Variants in ZNF469 observed in about 807,000 individuals in gnomAD.
ZNF469 encodes zinc finger protein 469.
ZNF469 carries 1 observed loss-of-function variant against 1.0 expected under a neutral mutation model. The ratio of observed to expected loss-of-function variants is 1.00; its 90% CI spans 0.35 to 4.73. The LOEUF is 4.73. Among genes scored for constraint, ZNF469 ranks in the 30% most tolerant of loss-of-function variants. ZNF469 has a pLI of 0.16. For missense variants in ZNF469, 6,100 were observed against 5,356.3 expected, an observed-to-expected ratio of 1.14 and a Z score of -4.33; for synonymous variants, 2,703 against 2,363.4, an observed-to-expected ratio of 1.14 and a Z score of -4.17.
chr16:88,388,346 C>T (rs1904391860), intron 1 of ZNF469, among the ~76,000 whole-genome samples: 1 of 152,252 alleles, frequency 6.6e-6, no homozygotes, highest in African/African-American at 2.4e-5. Flanking sequence ...GGCCAGCATC[C>T]CAGCCAGCGG....
At chr16:88,291,525 A>T in the ZNF469 span, among the ~76,000 whole-genome samples, 1 of 152,152 alleles carries the variant, frequency 6.6e-6, no homozygotes, top group Non-Finnish European at 1.5e-5. Flanking sequence ...TTTACAGATG[A>T]AGACACCGGG....
At chr16:88,243,674 G>C in the ZNF469 span, among the ~76,000 whole-genome samples, 1 of 151,736 alleles carries the variant, frequency 6.6e-6, no homozygotes, top group Admixed American at 6.6e-5. Context: ...TGGGTAGATG[G>C]ATGGGTAGAT....
the ZNF469 span, among the ~76,000 whole-genome samples, chr16:88,353,981 C>T: frequency 1.4e-4 from 21 of 152,358 alleles, no homozygotes; most frequent in South Asian, 3.7e-3. Flanking sequence ...GAATGCACCC[C>T]TGCCTGCTTC....
chr16:88,185,464 ACACT>A, the ZNF469 span, among the ~76,000 whole-genome samples: 4 of 142,242 alleles, frequency 2.8e-5, no homozygotes, highest in African/African-American at 1.1e-4. Flanking sequence ...GCCCAGACCC[ACACT>A]CACACATTTG....
chr16:88,248,439 C>G, the ZNF469 span, among the ~76,000 whole-genome samples: 1 of 152,150 alleles, frequency 6.6e-6, no homozygotes, highest in Non-Finnish European at 1.5e-5. Flanking sequence ...CTGCCAGGCA[C>G]AGTGGCTCAT....
the ZNF469 span, among the ~76,000 whole-genome samples, chr16:88,271,215 C>T: frequency 1.9e-4 from 29 of 150,570 alleles, no homozygotes; most frequent in African/African-American, 6.8e-4. Flanking sequence ...CGTTAGTCAC[C>T]GTCATCATCT....
chr16:88,364,715 G>C, the ZNF469 span, among the ~76,000 whole-genome samples: 1 of 152,154 alleles, frequency 6.6e-6, no homozygotes, highest in African/African-American at 2.4e-5. Flanking sequence ...AGTAATCCCA[G>C]CACTTTGGGA....
At chr16:88,215,111 A>G in the ZNF469 span, among the ~76,000 whole-genome samples, 2 of 152,186 alleles carry the variant, frequency 1.3e-5, no homozygotes, top group Non-Finnish European at 2.9e-5. Context: ...AGGCATGTCT[A>G]TTGTAATCAG....
chr16:88,404,934 C>G (rs1307057440), intron 1 of ZNF469, among the ~76,000 whole-genome samples: 1 of 152,200 alleles, frequency 6.6e-6, no homozygotes, highest in Non-Finnish European at 1.5e-5. Flanking sequence ...AAAGGAGACT[C>G]TATTGGCTCA....
intron 1 of ZNF469, among the ~76,000 whole-genome samples, chr16:88,400,359 A>G (rs7191454): frequency 0.7 from 106,243 of 152,218 alleles, 38,274 homozygotes; most frequent in African/African-American, 0.88. Flanking sequence ...AAATTGGCCT[A>G]CCAGGACAAC....
At chr16:88,132,824 A>G in the ZNF469 span, among the ~76,000 whole-genome samples, 5,043 of 151,872 alleles carry the variant, frequency 0.033, no homozygotes, top group African/African-American at 0.11. Flanking sequence ...AGGCCTCCGC[A>G]CAGCATCAGT....
chr16:88,134,224 A>G, the ZNF469 span, among the ~76,000 whole-genome samples: 1 of 152,232 alleles, frequency 6.6e-6, no homozygotes, highest in East Asian at 1.9e-4. Flanking sequence ...CTTTATGACC[A>G]CTTTTTCTAC....
At chr16:88,247,801 A>ATGAG in the ZNF469 span, among the ~76,000 whole-genome samples, 2 of 151,040 alleles carry the variant, frequency 1.3e-5, no homozygotes, top group Non-Finnish European at 3.0e-5. Flanking sequence ...AAATGAGTGA[A>ATGAG]TGAGTGAGTG....
At chr16:88,406,694 C>T (rs1269070489) in intron 1 of ZNF469, among the ~76,000 whole-genome samples, 1 of 152,168 alleles carries the variant, frequency 6.6e-6, no homozygotes, top group Non-Finnish European at 1.5e-5. Flanking sequence ...TGCATGTCTG[C>T]GGCCCCTGCC....
rs1421019347 is a variant in ZNF469 at position 88,440,567 on chromosome 16, A to G, written c.*1235A>G. The stretch of plus-strand genomic sequence containing the variant: ...TTTACTTGGGTGCAATGTGTACGTC[A>G]AAAGTTTTTATTTTGATATTTGAAA... On this transcript the variant is annotated 3_prime_UTR_variant, in exon 3 of 3. Coordinates refer to ENST00000565624, the MANE Select transcript of ZNF469 (RefSeq NM_001367624.2). 6.6e-6 allele frequency: 1 copy of G among 152,172 alleles called. No homozygotes were observed. The highest frequency in any genetic ancestry group is 6.5e-5 in the Admixed American group (1 of 15,284). 9.4% of individuals were successfully genotyped at this position (152,172 alleles called of 1,614,324 possible).
At chr16:88,251,557 T>G in the ZNF469 span, among the ~76,000 whole-genome samples, 100 of 123,490 alleles carry the variant, frequency 8.1e-4, 7 homozygotes, top group Middle Eastern at 3.6e-3. Context: ...TTTTTTTTTT[T>G]TTTTTTTTTT....
At chr16:88,140,204 C>G in the ZNF469 span, among the ~76,000 whole-genome samples, 40 of 151,884 alleles carry the variant, frequency 2.6e-4, no homozygotes, top group Middle Eastern at 3.2e-3. Context: ...AAAATATAGT[C>G]ATAAAAAAAA....
the ZNF469 span, among the ~76,000 whole-genome samples, chr16:88,370,316 C>T: frequency 2.6e-5 from 4 of 152,214 alleles, no homozygotes; most frequent in South Asian, 6.2e-4. Context: ...AGATTGTTGC[C>T]GACTCTGATA....
At chr16:88,124,188 CTGTT>C in the ZNF469 span, among the ~76,000 whole-genome samples, 3 of 152,166 alleles carry the variant, frequency 2.0e-5, no homozygotes, top group Non-Finnish European at 4.4e-5. Context: ...TATCAGGTAT[CTGTT>C]TGACCAGAAT....
Sources: gnomAD v4.1 joint callset for allele counts (sites outside exome capture counted in the v4.1 genomes callset) on GRCh38, gnomAD v4.1.1 for gene constraint, MANE v1.5 for transcripts, NCBI Gene and HGNC (gene_info 2026-07-23, HGNC 2026-07-21) for gene names.